ANO6: variants seen among roughly 807,000 people sequenced by gnomAD.
ANO6 encodes anoctamin 6.
Under a neutral mutation model 117.5 loss-of-function variants are expected in ANO6, and 106 were observed. The ratio of observed to expected loss-of-function variants is 0.90; its 90% CI spans 0.77 to 1.06. The LOEUF is 1.06. ANO6 is among the 50% of genes least tolerant of loss of function. The pLI is 0.00. For synonymous variants in ANO6, 367 were observed against 385.1 expected (o/e 0.95, Z 0.55); for missense variants, 955 against 1,121.1 (o/e 0.85, Z 2.12).
intron 17 of ANO6, among the ~76,000 whole-genome samples, chr12:45,419,410 A>G (rs1173948342): frequency 2.6e-5 from 4 of 152,234 alleles, no homozygotes; most frequent in African/African-American, 7.2e-5. Flanking sequence ...AATTTAATCT[A>G]TTGAAATCTG....
chr12:45,229,099 G>A (rs2137135882), intron 1 of ANO6, among the ~76,000 whole-genome samples: 1 of 152,304 alleles, frequency 6.6e-6, no homozygotes, highest in South Asian at 2.1e-4. Flanking sequence ...CAGGGTCCGG[G>A]ATGAGAAGCT....
At chr12:45,217,270 CTAATT>C (rs1432848515) in intron 1 of ANO6, among the ~76,000 whole-genome samples, 1 of 152,112 alleles carries the variant, frequency 6.6e-6, no homozygotes, top group Non-Finnish European at 1.5e-5. Context: ...CCAGAAGACT[CTAATT>C]AAATTACCAA....
intron 1 of ANO6, among the ~76,000 whole-genome samples, chr12:45,229,897 A>G (rs1170390837): frequency 7.5e-6 from 1 of 132,554 alleles, no homozygotes; most frequent in Admixed American, 8.3e-5. Context: ...GATGGAACGA[A>G]TGTTAGAACC....
intron 1 of ANO6, among the ~76,000 whole-genome samples, chr12:45,244,441 C>T (rs1271799758): frequency 1.4e-5 from 2 of 148,054 alleles, no homozygotes; most frequent in African/African-American, 2.5e-5. Context: ...CATGGGTGGG[C>T]CTGGAGGAGG....
rs1941793374 is a variant in ANO6, at chr12:45,370,412, C to G, written c.1104+2619C>G. On this transcript the variant is annotated intron_variant, in intron 9 of 19. Coordinates refer to ENST00000320560, the MANE Select transcript of ANO6 (RefSeq NM_001025356.3). ...GTACACTTGCTCTTTCATAATGCTC[C>G]CATTTTACCCTCTAGCACTGACAGA... is the stretch of plus-strand genomic sequence containing the variant. Among the ~76,000 whole-genome samples, 3 of 152,180 alleles carry G rather than the reference C, an allele frequency of 2.0e-5. No individual in the cohort carries two copies. In the South Asian group the frequency reaches 6.2e-4, roughly 31 times the overall value.
chr12:45,219,598 C>A (rs1401031378), intron 1 of ANO6, among the ~76,000 whole-genome samples: 1 of 150,984 alleles, frequency 6.6e-6, no homozygotes, highest in Non-Finnish European at 1.5e-5. Flanking sequence ...CCTACCTCGG[C>A]TTCCCAAAGT....
At chr12:45,437,914 A>G (rs1304098965) in intron 19 of ANO6, among the ~76,000 whole-genome samples, 3 of 152,184 alleles carry the variant, frequency 2.0e-5, no homozygotes, top group African/African-American at 7.2e-5. Flanking sequence ...CCACTGCTTT[A>G]TAAAAATTTG....
rs551517877 is a variant in ANO6, at chr12:45,255,818, G to GTTTTTTTTTTTTTTTTTTTT, written c.70+39428_70+39447dup. ...CTGGCCCCAGGTTTTCTCCCTGGGT[G>GTTTTTTTTTTTTTTTTTTTT]TTTTTTTTTTTTTTTTTTTTGAGAC... On this transcript the variant is annotated intron_variant, in intron 1 of 19. Coordinates refer to ENST00000320560, the MANE Select transcript of ANO6 (RefSeq NM_001025356.3). Among the ~76,000 whole-genome samples the GTTTTTTTTTTTTTTTTTTTT allele has an allele frequency of 1.4e-3, 111 of 81,680 alleles. 4 individuals are homozygous for GTTTTTTTTTTTTTTTTTTTT. The highest frequency in any genetic ancestry group is 8.5e-3 in the East Asian group (24 of 2,816). 53.6% of individuals were successfully genotyped at this position (81,680 alleles called of 152,430 possible). A position where few individuals can be genotyped will look rare whatever the true frequency, so the allele number is the denominator to read the frequency against.
intron 1 of ANO6, chr12:45,270,586 A>C (rs1352593423): frequency 3.7e-6 from 2 of 545,170 alleles, no homozygotes; most frequent in East Asian, 6.5e-5. Flanking sequence ...TCCGACTGTC[A>C]GTTCCGGGAG....
intron 1 of ANO6, among the ~76,000 whole-genome samples, chr12:45,281,942 A>G (rs990775851): frequency 1.2e-4 from 18 of 152,266 alleles, no homozygotes; most frequent in East Asian, 9.6e-4. Flanking sequence ...GGTTGGTGCA[A>G]TAGTCCCAAT....
intron 1 of ANO6, among the ~76,000 whole-genome samples, chr12:45,249,958 T>C (rs895954743): frequency 6.6e-6 from 1 of 152,222 alleles, no homozygotes; most frequent in Non-Finnish European, 1.5e-5. Context: ...TCATTAATCT[T>C]CAATTTCAGG....
At chr12:45,366,583 C>G (rs1223395699) in intron 8 of ANO6, among the ~76,000 whole-genome samples, 1 of 152,060 alleles carries the variant, frequency 6.6e-6, no homozygotes, top group Non-Finnish European at 1.5e-5. Flanking sequence ...TCTTTATTTT[C>G]TTCTGTTGGT....
Position 45,357,436 on chromosome 12 carries a change from T to G in ANO6, c.998+12T>G. ...AACTGTACATGGAGGTAACCTCTGT[T>G]TATTCCTTGTTGCCATGCTGAAAAG... On this transcript the variant is annotated intron_variant, in intron 8 of 19. Transcript: ENST00000320560. The G allele has an allele frequency of 1.9e-6, 3 of 1,613,096 alleles. No individual in the cohort carries two copies. The highest frequency in any genetic ancestry group is 2.5e-6 in the Non-Finnish European group (3 of 1,179,976).
intron 9 of ANO6, among the ~76,000 whole-genome samples, chr12:45,369,867 A>G (rs962413780): frequency 4.6e-5 from 7 of 152,234 alleles, no homozygotes; most frequent in African/African-American, 1.7e-4. Context: ...TTAGCTTTCT[A>G]GCTGGCAAGA....
chr12:45,392,990 A>G (rs1942497101), intron 12 of ANO6, among the ~76,000 whole-genome samples: 1 of 152,240 alleles, frequency 6.6e-6, no homozygotes, highest in African/African-American at 2.4e-5. Context: ...TGGACAGAGA[A>G]TGACTTTGAC....
rs547928160 is a variant in ANO6 at position 45,362,145 on chromosome 12, T to A, written c.998+4721T>A. Among the ~76,000 whole-genome samples the A allele has an allele frequency of 2.0e-5, 3 of 152,222 alleles. 1 individual carries two copies. Among genetic ancestry groups the A allele is most frequent in the African/African-American group, 7.2e-5 (3 of 41,576 alleles). ...TTTTCTTTGCAGGAATTATTTTTTT[T>A]CTGTTAGTCCAGTCTCTTTATTTGT... is the stretch of plus-strand genomic sequence containing the variant. On this transcript the variant is annotated intron_variant, in intron 8 of 19. Transcript: ENST00000320560.
At chr12:45,307,654 G>T (rs1939712707) in intron 2 of ANO6, among the ~76,000 whole-genome samples, 1 of 152,084 alleles carries the variant, frequency 6.6e-6, no homozygotes, top group South Asian at 2.1e-4. Flanking sequence ...TTAAAGCCAT[G>T]GGACGAAATG....
chr12:45,351,894 G>A (rs1360414720), intron 7 of ANO6, among the ~76,000 whole-genome samples: 1 of 151,956 alleles, frequency 6.6e-6, no homozygotes, highest in East Asian at 1.9e-4. Flanking sequence ...AGATAATGTG[G>A]AGAATGGATT....
At chr12:45,359,225 A>C (rs1308356059) in intron 8 of ANO6, among the ~76,000 whole-genome samples, 1 of 152,190 alleles carries the variant, frequency 6.6e-6, no homozygotes, top group Non-Finnish European at 1.5e-5. Context: ...TTCTGTTTCT[A>C]GGGATTTACC....
Sources: allele counts gnomAD v4.1 joint callset (sites outside exome capture counted in the v4.1 genomes callset), GRCh38; gene constraint gnomAD v4.1.1; transcripts MANE v1.5; gene names NCBI Gene and HGNC (gene_info 2026-07-23, HGNC 2026-07-21).